The following NF1 variants were observed in gnomAD, a reference collection of about 807,000 sequenced individuals.
NF1 encodes neurofibromin.
A neutral mutation model predicts 325.7 loss-of-function variants in NF1; 122 were observed. That is an observed-to-expected ratio of 0.37 (90% CI 0.32 to 0.44). The LOEUF (loss-of-function observed/expected upper bound fraction) is 0.44, where lower values mean the gene tolerates loss of function less well. Ranked by LOEUF, NF1 falls within the 20% of genes least tolerant of loss-of-function variation. The pLI, the probability that NF1 is intolerant of heterozygous loss-of-function variation, is 1.00. For missense variants in NF1, 2,140 were observed against 3,415.4 expected (o/e 0.63, Z 9.31); for synonymous variants, 1,091 against 1,186.0 (o/e 0.92, Z 1.65).
At chr17:31,245,351 A>G (rs1597731158) in intron 29 of NF1, among the ~76,000 whole-genome samples, 1 of 152,168 alleles carries the variant, frequency 6.6e-6, no homozygotes, top group East Asian at 1.9e-4. Context: ...CTGGCTTCCT[A>G]ACAACCATCA....
rs530932587 is a variant in NF1 at position 31,124,517 on chromosome 17, G to C, written c.60+29148G>C. 2.7e-5 allele frequency among the ~76,000 whole-genome samples: 4 copies of C among 146,938 alleles called. No homozygotes were observed. In the South Asian group the frequency reaches 6.5e-4, roughly 24 times the overall value. ...AGAGGAACACTTAATTTGTTTTCAG[G>C]GTTTTTTTTTTTTTTGCTTGTGTTT... On this transcript the variant is annotated intron_variant, in intron 1 of 57. Transcript: ENST00000358273.
Position 31,374,159 on chromosome 17 carries a change from T to C in NF1, c.*4T>C, listed in dbSNP as rs201044568. 1,847 of 1,613,986 alleles carry C rather than the reference T, an allele frequency of 1.1e-3. 22 individuals are homozygous for C. The South Asian group carries it at 0.019, about 17-fold the overall frequency. ...TAGCATTAAGAAGATCGTGTGAAGCTTGCTTGCTTTCTTTTTTAAAATCAA... is the reference window on the plus strand; with the variant it reads ...TAGCATTAAGAAGATCGTGTGAAGCCTGCTTGCTTTCTTTTTTAAAATCAA... On this transcript the variant is annotated 3_prime_UTR_variant, in exon 58 of 58. Coordinates refer to ENST00000358273, the MANE Select transcript of NF1 (RefSeq NM_001042492.3).
At chr17:31,283,574 C>T (rs949915015) in intron 36 of NF1, among the ~76,000 whole-genome samples, 2 of 152,112 alleles carry the variant, frequency 1.3e-5, no homozygotes, top group African/African-American at 2.4e-5. Context: ...TCCAGCTCAG[C>T]CTCCTGAGTA....
chr17:31,329,287 TG>T (rs1234401195), intron 38 of NF1, among the ~76,000 whole-genome samples: 6 of 152,240 alleles, frequency 3.9e-5, no homozygotes, highest in African/African-American at 1.4e-4. Context: ...AGATCTTCAT[TG>T]AAAAATACAA....
At chr17:31,323,657 C>T (rs533157408) in intron 36 of NF1, among the ~76,000 whole-genome samples, 1 of 152,306 alleles carries the variant, frequency 6.6e-6, no homozygotes, top group African/African-American at 2.4e-5. Flanking sequence ...TACCTGAATC[C>T]TCCATTCTGG....
intron 36 of NF1, chr17:31,318,201 T>A: frequency 7.0e-7 from 1 of 1,431,672 alleles, no homozygotes; most frequent in Middle Eastern, 2.5e-4. Flanking sequence ...AGGTCTACCA[T>A]GTCAAATTTT....
chr17:31,250,606 T>G (rs1203691203), intron 30 of NF1: 1 of 195,946 alleles, frequency 5.1e-6, no homozygotes, highest in Non-Finnish European at 1.1e-5. Flanking sequence ...ATGAGCAAAG[T>G]TGGAGACCGT....
intron 1 of NF1, among the ~76,000 whole-genome samples, chr17:31,109,782 T>A (rs1276520346): frequency 6.6e-6 from 1 of 152,248 alleles, no homozygotes; most frequent in Non-Finnish European, 1.5e-5. Flanking sequence ...ACTCTAGTGA[T>A]TCTTGTTCTT....
intron 8 of NF1, among the ~76,000 whole-genome samples, chr17:31,188,846 G>T (rs138569450): frequency 2.6e-5 from 4 of 152,148 alleles, no homozygotes; most frequent in Non-Finnish European, 5.9e-5. Flanking sequence ...GCCCTCCAGC[G>T]TCGGTCTTCA....
At chr17:31,264,409 C>T (rs2067749867) in intron 35 of NF1, among the ~76,000 whole-genome samples, 2 of 144,768 alleles carry the variant, frequency 1.4e-5, no homozygotes, top group Admixed American at 1.4e-4. Flanking sequence ...AAAACTCCAT[C>T]TCAAAAAAAA....
intron 5 of NF1, among the ~76,000 whole-genome samples, chr17:31,171,730 G>A (rs1483077027): frequency 6.6e-6 from 1 of 152,136 alleles, no homozygotes; most frequent in African/African-American, 2.4e-5. Flanking sequence ...GGTGACAGTG[G>A]TAAAAGGAAT....
intron 30 of NF1, chr17:31,251,173 T>C (rs991396379): frequency 1.0e-5 from 2 of 200,984 alleles, no homozygotes; most frequent in Non-Finnish European, 2.0e-5. Flanking sequence ...TTTTTATTCA[T>C]CTTCCCTCTT....
chr17:31,247,312 T>G (rs753398217), intron 29 of NF1, among the ~76,000 whole-genome samples: 2 of 151,822 alleles, frequency 1.3e-5, no homozygotes, highest in Non-Finnish European at 2.9e-5. Flanking sequence ...GTGCTATTGA[T>G]AACATAGAGC....
At chr17:31,199,962 C>T (rs2066496810) in intron 8 of NF1, among the ~76,000 whole-genome samples, 1 of 151,982 alleles carries the variant, frequency 6.6e-6, no homozygotes, top group African/African-American at 2.4e-5. Context: ...ATGGTGAAAT[C>T]CTGTCTCTAC....
intron 57 of NF1, chr17:31,361,702 T>C (rs572624205): frequency 3.9e-5 from 6 of 152,330 alleles, no homozygotes; most frequent in Admixed American, 2.0e-4. Flanking sequence ...ACATAACTAT[T>C]CTGTGATATT....
intron 1 of NF1, among the ~76,000 whole-genome samples, chr17:31,139,375 G>GACACACACACACACACAC (rs58863782): frequency 2.8e-4 from 41 of 144,172 alleles, no homozygotes; most frequent in Non-Finnish European, 4.3e-4. Context: ...GTTTTACACA[G>GACACACACACACACACAC]ACACACACAC....
chr17:31,250,765 A>C, intron 30 of NF1: 1 of 188,190 alleles, frequency 5.3e-6, no homozygotes, highest in Non-Finnish European at 1.1e-5. Context: ...GAAAGGAGGA[A>C]AATAGTGAAA....
chr17:31,312,673 A>G (rs1406622816), intron 36 of NF1, among the ~76,000 whole-genome samples: 1 of 152,172 alleles, frequency 6.6e-6, no homozygotes, highest in Non-Finnish European at 1.5e-5. Context: ...TTAGAAGTAG[A>G]AAAATATATA....
intron 1 of NF1, among the ~76,000 whole-genome samples, chr17:31,115,770 A>G (rs1913847618): frequency 6.6e-6 from 1 of 152,202 alleles, no homozygotes; most frequent in African/African-American, 2.4e-5. Flanking sequence ...GGTGTCGCCC[A>G]TGTCCTTGAT....
Sources: gnomAD v4.1 joint callset for allele counts (sites outside exome capture counted in the v4.1 genomes callset) on GRCh38, gnomAD v4.1.1 for gene constraint, MANE v1.5 for transcripts, NCBI Gene and HGNC (gene_info 2026-07-23, HGNC 2026-07-21) for gene names.